The following MCHR2 variants were observed in gnomAD, a reference collection of about 807,000 sequenced individuals.
MCHR2 encodes the protein melanin-concentrating hormone receptor 2.
Under a neutral mutation model 24.8 loss-of-function variants are expected in MCHR2, and 15 were observed. The observed-to-expected ratio is 0.60, with a 90% CI of 0.40 to 0.93. The LOEUF (loss-of-function observed/expected upper bound fraction) is 0.93. MCHR2 is among the 40% of genes least tolerant of loss of function. MCHR2 has a pLI of 0.00. For synonymous variants in MCHR2, 151 were observed against 147.6 expected (o/e 1.02, Z -0.17); for missense variants, 386 against 408.7 (o/e 0.94, Z 0.48).
intron 1 of MCHR2, among the ~76,000 whole-genome samples, chr6:99,973,914 T>C (rs926770418): frequency 2.0e-5 from 3 of 152,352 alleles, no homozygotes; most frequent in African/African-American, 7.2e-5. Flanking sequence ...TTGTAGAGTT[T>C]CTGTCGAGAG....
At chr6:99,971,861 A>G (rs1775429633) in intron 1 of MCHR2, among the ~76,000 whole-genome samples, 2 of 152,278 alleles carry the variant, frequency 1.3e-5, no homozygotes, top group East Asian at 1.9e-4. Flanking sequence ...GCTGGATTAC[A>G]TTTATTGATT....
chr6:99,954,904 G>A (rs1160211498), intron 2 of MCHR2, among the ~76,000 whole-genome samples: 1 of 152,068 alleles, frequency 6.6e-6, no homozygotes, highest in Non-Finnish European at 1.5e-5. Flanking sequence ...TAAGGTATAA[G>A]TGAGACATAA....
chr6:99,982,020 A>G (rs1332446416), intron 1 of MCHR2, among the ~76,000 whole-genome samples: 1 of 152,018 alleles, frequency 6.6e-6, no homozygotes, highest in African/African-American at 2.4e-5. Flanking sequence ...ACAACTTCCC[A>G]CATATCTTGC....
chr6:99,980,433 G>A (rs1387671392), intron 1 of MCHR2, among the ~76,000 whole-genome samples: 10 of 152,148 alleles, frequency 6.6e-5, no homozygotes, highest in Admixed American at 4.6e-4. Flanking sequence ...GGAAGCTATC[G>A]GAGGTCAAGA....
chr6:99,950,729 A>C (rs142813107), intron 2 of MCHR2, among the ~76,000 whole-genome samples: 1 of 152,178 alleles, frequency 6.6e-6, no homozygotes, highest in East Asian at 1.9e-4. Context: ...CACAGTGATC[A>C]TCTATTTGGT....
intron 1 of MCHR2, among the ~76,000 whole-genome samples, chr6:99,982,701 G>A (rs550728136): frequency 6.6e-6 from 1 of 152,142 alleles, no homozygotes; most frequent in South Asian, 2.1e-4. Flanking sequence ...GAGTTGGGTG[G>A]ATGAACTCTT....
At chr6:99,980,776 G>A (rs955637281) in intron 1 of MCHR2, among the ~76,000 whole-genome samples, 8 of 152,156 alleles carry the variant, frequency 5.3e-5, no homozygotes, top group African/African-American at 1.9e-4. Context: ...CAATGAGAAT[G>A]TGGAATAATT....
intron 2 of MCHR2, among the ~76,000 whole-genome samples, chr6:99,950,909 G>A (rs964980047): frequency 1.3e-5 from 2 of 152,164 alleles, no homozygotes; most frequent in African/African-American, 4.8e-5. Flanking sequence ...CTTGTCATTC[G>A]CCAGCCTGTC....
intron 4 of MCHR2, among the ~76,000 whole-genome samples, chr6:99,940,178 A>G (rs1346753274): frequency 1.3e-5 from 2 of 150,046 alleles, no homozygotes; most frequent in African/African-American, 2.5e-5. Flanking sequence ...TAAGCTTTCT[A>G]CTCCTTGCGC....
At chr6:99,961,851 A>T (rs1775195440) in intron 1 of MCHR2, among the ~76,000 whole-genome samples, 1 of 152,126 alleles carries the variant, frequency 6.6e-6, no homozygotes, top group South Asian at 2.1e-4. Context: ...GACTTAATGT[A>T]TAATAATAAT....
intron 1 of MCHR2, among the ~76,000 whole-genome samples, chr6:99,988,581 C>A (rs1255248507): frequency 1.3e-5 from 2 of 152,062 alleles, no homozygotes; most frequent in African/African-American, 4.8e-5. Context: ...CTCAATTCAT[C>A]CCCCCACCCA....
intron 5 of MCHR2, among the ~76,000 whole-genome samples, chr6:99,931,173 T>A (rs1001722227): frequency 1.3e-5 from 2 of 152,198 alleles, no homozygotes; most frequent in Non-Finnish European, 2.9e-5. Flanking sequence ...CCGCGAATGC[T>A]GCTGTCTGAT....
intron 1 of MCHR2, among the ~76,000 whole-genome samples, chr6:99,958,909 C>T (rs1162979617): frequency 6.6e-6 from 1 of 152,148 alleles, no homozygotes; most frequent in Non-Finnish European, 1.5e-5. Flanking sequence ...CAGTGTACTG[C>T]CAGGGAATGG....
At chr6:99,962,287 AAGTT>A (rs1445641233) in intron 1 of MCHR2, among the ~76,000 whole-genome samples, 1 of 152,186 alleles carries the variant, frequency 6.6e-6, no homozygotes, top group East Asian at 1.9e-4. Flanking sequence ...CAGAGAAATG[AAGTT>A]AGATAGCATG....
chr6:99,950,339 C>T (rs1444183086), intron 2 of MCHR2, among the ~76,000 whole-genome samples: 3 of 152,016 alleles, frequency 2.0e-5, no homozygotes, highest in Non-Finnish European at 4.4e-5. Flanking sequence ...TAAATTATAT[C>T]CCTTTTTAGG....
intron 1 of MCHR2, among the ~76,000 whole-genome samples, chr6:99,966,978 A>G (rs959197222): frequency 2.6e-5 from 4 of 152,140 alleles, no homozygotes; most frequent in Non-Finnish European, 4.4e-5. Flanking sequence ...CTCATGTGGT[A>G]CCTTTGGGTT....
chr6:99,987,803 C>T (rs1488389234), intron 1 of MCHR2, among the ~76,000 whole-genome samples: 1 of 151,946 alleles, frequency 6.6e-6, no homozygotes, highest in Non-Finnish European at 1.5e-5. Context: ...CATTAGCACC[C>T]CAAAATAAAC....
At chr6:99,944,094 C>T (rs964437406) in intron 3 of MCHR2, among the ~76,000 whole-genome samples, 2 of 152,120 alleles carry the variant, frequency 1.3e-5, no homozygotes, top group Non-Finnish European at 2.9e-5. Flanking sequence ...AATGCAAATT[C>T]CTTAAGGAAC....
intron 5 of MCHR2, among the ~76,000 whole-genome samples, chr6:99,926,791 G>A (rs1774370127): frequency 6.6e-6 from 1 of 152,252 alleles, no homozygotes; most frequent in Non-Finnish European, 1.5e-5. Context: ...TAGGTTGCCT[G>A]TTCACTCTGA....
Sources: gnomAD v4.1 joint callset for allele counts (sites outside exome capture counted in the v4.1 genomes callset) on GRCh38, gnomAD v4.1.1 for gene constraint, MANE v1.5 for transcripts, NCBI Gene and HGNC (gene_info 2026-07-23, HGNC 2026-07-21) for gene names.